KCNN2: variants seen among roughly 807,000 people sequenced by gnomAD.
KCNN2 encodes potassium calcium-activated channel subfamily N member 2.
KCNN2 carries 24 observed loss-of-function variants against 55.5 expected under a neutral mutation model. The ratio of observed to expected loss-of-function variants is 0.43; its 90% CI spans 0.31 to 0.61. The LOEUF is 0.61. Among genes scored for constraint, KCNN2 ranks in the 20% least tolerant of loss-of-function variants. The pLI is 0.08. For missense variants in KCNN2, 754 were observed against 853.6 expected, an observed-to-expected ratio of 0.88 and a Z score of 1.45; for synonymous variants, 431 against 336.1, an observed-to-expected ratio of 1.28 and a Z score of -3.09.
At chr5:114,430,053 A>G (rs1409425929) in intron 3 of KCNN2, among the ~76,000 whole-genome samples, 1 of 151,986 alleles carries the variant, frequency 6.6e-6, no homozygotes, top group African/African-American at 2.4e-5. Flanking sequence ...TCGAAGTCAA[A>G]TAGTGTTATT....
chr5:114,418,831 A>G (rs576799160), intron 3 of KCNN2, among the ~76,000 whole-genome samples: 1 of 152,140 alleles, frequency 6.6e-6, no homozygotes, highest in Non-Finnish European at 1.5e-5. Context: ...TTGGAAATGC[A>G]CTCTGCAGAT....
At chr5:114,172,663 G>A (rs1753062472) in intron 1 of KCNN2, among the ~76,000 whole-genome samples, 1 of 149,292 alleles carries the variant, frequency 6.7e-6, no homozygotes, top group South Asian at 2.1e-4. Context: ...ATATTATGTT[G>A]TTTTGATTTG....
rs538142293 is a variant in KCNN2, at chr5:114,429,730, T to C, written c.1637+24874T>C. Among the ~76,000 whole-genome samples, 27 of 152,112 alleles carry C rather than the reference T, an allele frequency of 1.8e-4. No individual in the cohort carries two copies. In the South Asian group the frequency reaches 5.0e-3, roughly 28 times the overall value. On this transcript the variant is annotated intron_variant, in intron 3 of 7. Coordinates refer to ENST00000673685, the MANE Select transcript of KCNN2 (RefSeq NM_021614.4). ...TATATTTTCCAGGATTTTTATAGTT[T>C]TGCATTTTACATTTGAGTCTATGAT...
At chr5:114,383,457 C>G (rs1272781409) in intron 2 of KCNN2, among the ~76,000 whole-genome samples, 2 of 142,646 alleles carry the variant, frequency 1.4e-5, no homozygotes, top group Admixed American at 1.4e-4. Flanking sequence ...CTAAGCCCCA[C>G]TAAATGCTTT....
At chr5:114,360,079 T>C (rs575152408), upstream of KCNN2, among the ~76,000 whole-genome samples, 2 of 152,266 alleles carry the variant, frequency 1.3e-5, no homozygotes, top group South Asian at 4.1e-4. Flanking sequence ...TCTCTGATTG[T>C]TAGCCACTAA....
At chr5:114,129,457 A>C (rs1285603624) in intron 1 of KCNN2, among the ~76,000 whole-genome samples, 1 of 152,232 alleles carries the variant, frequency 6.6e-6, no homozygotes, top group South Asian at 2.1e-4. Context: ...AAGAAGAAAA[A>C]GGGAAAGAGA....
chr5:114,444,089 G>T (rs1439461440), intron 3 of KCNN2, among the ~76,000 whole-genome samples: 1 of 152,182 alleles, frequency 6.6e-6, no homozygotes, highest in Non-Finnish European at 1.5e-5. Flanking sequence ...AATGGACTAA[G>T]CCTCTGTCTT....
chr5:114,231,397 C>G (rs1227591118), intron 2 of KCNN2, among the ~76,000 whole-genome samples: 6 of 139,672 alleles, frequency 4.3e-5, no homozygotes. Context: ...AGGTTTTCTT[C>G]TAGGGTTTTT....
chr5:114,268,038 C>T (rs1357937173), intron 2 of KCNN2, among the ~76,000 whole-genome samples: 1 of 152,178 alleles, frequency 6.6e-6, no homozygotes, highest in Non-Finnish European at 1.5e-5. Flanking sequence ...TCTGATCCCA[C>T]CCTAGCACTT....
intron 5 of KCNN2, among the ~76,000 whole-genome samples, chr5:114,476,365 T>C (rs534740149): frequency 1.3e-5 from 2 of 152,170 alleles, no homozygotes; most frequent in Admixed American, 6.5e-5. Context: ...TTCTTGAGAC[T>C]GGAGTCTCTT....
chr5:114,247,001 G>A (rs1331755929), intron 2 of KCNN2, among the ~76,000 whole-genome samples: 1 of 151,558 alleles, frequency 6.6e-6, no homozygotes, highest in Non-Finnish European at 1.5e-5. Context: ...ATCACTTGCT[G>A]ATGAGTAGGA....
intron 2 of KCNN2, among the ~76,000 whole-genome samples, chr5:114,311,045 T>G (rs1756382597): frequency 6.6e-6 from 1 of 152,086 alleles, no homozygotes. Flanking sequence ...GAGAATCTAG[T>G]TTTCTGCAAA....
chr5:114,127,384 T>C (rs1279617319), intron 1 of KCNN2, among the ~76,000 whole-genome samples: 2 of 152,180 alleles, frequency 1.3e-5, no homozygotes, highest in Non-Finnish European at 2.9e-5. Flanking sequence ...TGCTTGACTT[T>C]TGTATACCTG....
intron 2 of KCNN2, among the ~76,000 whole-genome samples, chr5:114,383,465 T>TA (rs1758188483): frequency 4.0e-5 from 1 of 24,970 alleles, no homozygotes; most frequent in Non-Finnish European, 8.2e-5. Context: ...CACTAAATGC[T>TA]TTTTTTTTTT....
intron 1 of KCNN2, among the ~76,000 whole-genome samples, chr5:114,158,843 A>G (rs1298150913): frequency 2.0e-5 from 3 of 152,130 alleles, no homozygotes; most frequent in Non-Finnish European, 4.4e-5. Context: ...TGATTTTTGC[A>G]CATTGGTTTT....
intron 2 of KCNN2, among the ~76,000 whole-genome samples, chr5:114,352,354 A>G (rs1757221079): frequency 6.6e-6 from 1 of 151,230 alleles, no homozygotes; most frequent in Non-Finnish European, 1.5e-5. Flanking sequence ...AGGTTCATCA[A>G]TTTTATTGAT....
chr5:114,361,272 G>A (rs1016100737), upstream of KCNN2: 2 of 152,200 alleles, frequency 1.3e-5, no homozygotes, highest in Non-Finnish European at 2.9e-5. Context: ...CCCACCCCCG[G>A]CCGGGGTGCC....
intron 3 of KCNN2, among the ~76,000 whole-genome samples, chr5:114,455,931 T>C (rs764639908): frequency 9.2e-5 from 14 of 152,168 alleles, no homozygotes; most frequent in Non-Finnish European, 1.5e-4. Context: ...CCAGCAGAGG[T>C]TGGTTCATTA....
At position 114,216,378 on chromosome 5, in the gene KCNN2, G is replaced by T. The variant is rs556858439; in HGVS notation, c.-270-5102G>T. On this transcript the variant is annotated intron_variant, in intron 1 of 10. Transcript: ENST00000512097. ...GATTTGAATCAGTTGTTAACACTTT[G>T]GGAAAATGTAGGTTGGTGGGTCTCA... Among the ~76,000 whole-genome samples the T allele has an allele frequency of 3.3e-5, 5 of 152,182 alleles. No homozygotes were observed. The East Asian group carries it at 9.7e-4, about 29-fold the overall frequency.
Sources: gnomAD v4.1 joint callset for allele counts (sites outside exome capture counted in the v4.1 genomes callset) on GRCh38, gnomAD v4.1.1 for gene constraint, MANE v1.5 for transcripts, NCBI Gene and HGNC (gene_info 2026-07-23, HGNC 2026-07-21) for gene names.